The following SLC28A1 variants were observed in gnomAD, a reference collection of about 807,000 sequenced individuals.
The protein encoded by SLC28A1 is solute carrier family 28 member 1.
In SLC28A1, 64 loss-of-function variants were observed where a neutral mutation model predicts 74.8. That is an observed-to-expected ratio of 0.86 (90% CI 0.70 to 1.05). SLC28A1 has a LOEUF of 1.05. SLC28A1 is among the 50% of genes least tolerant of loss of function. SLC28A1 has a pLI of 0.00. For missense variants in SLC28A1, 828 were observed against 822.8 expected (o/e 1.01, Z -0.08); for synonymous variants, 359 against 335.0 (o/e 1.07, Z -0.78).
At chr15:84,954,777 A>G in the SLC28A1 span, among the ~76,000 whole-genome samples, 1 of 152,186 alleles carries the variant, frequency 6.6e-6, no homozygotes, top group African/African-American at 2.4e-5. Flanking sequence ...ATTTTAATTA[A>G]TAATACTGAG....
rs1970185642 is a variant in SLC28A1, at chr15:84,924,039, G to T, written c.1012G>T (p.Val338Phe). The change falls in exon 12 of 19, where the codon GTC becomes TTC. Residue 338 changes from valine to phenylalanine, a missense_variant. This residue lies in a region of SLC28A1 where 767 missense variants were observed against 753.5 expected (regional missense o/e 1.02). Coordinates refer to ENST00000394573, the MANE Select transcript of SLC28A1 (RefSeq NM_004213.5). ...PYLADMTLSEVHVVMTGGYAT... is the reference protein window; with the variant it reads ...PYLADMTLSEFHVVMTGGYAT... ...CTTGGCAGACATGACACTCTCTGAA[G>T]TCCACGTTGTCATGACCGGAGGTTA... The T allele has an allele frequency of 2.5e-6, 4 of 1,613,886 alleles. No homozygotes were observed. The highest frequency in any genetic ancestry group is 3.4e-6 in the Non-Finnish European group (4 of 1,180,016).
chr15:84,936,056 G>A (rs1254469634), intron 15 of SLC28A1, among the ~76,000 whole-genome samples: 1 of 141,748 alleles, frequency 7.1e-6, no homozygotes, highest in East Asian at 2.1e-4. Flanking sequence ...CCGGGTTCAC[G>A]CCATTCTCCT....
At chr15:84,967,137 C>G in the SLC28A1 span, among the ~76,000 whole-genome samples, 3 of 152,184 alleles carry the variant, frequency 2.0e-5, no homozygotes, top group Non-Finnish European at 4.4e-5. Context: ...GCAGCTGCAG[C>G]AAATCCTAAC....
At chr15:84,901,729 A>G (rs1414102788) in intron 6 of SLC28A1, among the ~76,000 whole-genome samples, 1 of 152,198 alleles carries the variant, frequency 6.6e-6, no homozygotes, top group East Asian at 1.9e-4. Context: ...GTTGGCAAGG[A>G]TATAGAGGAA....
At chr15:84,921,146 C>A in intron 11 of SLC28A1, 77 bp downstream of exon 11, 2 of 1,109,594 alleles carry the variant, frequency 1.8e-6, no homozygotes, top group African/African-American at 1.5e-5. Context: ...ATCCCCAGAG[C>A]TCTGATTCAG....
chr15:84,925,247 G>C (rs1970373520), intron 12 of SLC28A1, among the ~76,000 whole-genome samples: 1 of 151,864 alleles, frequency 6.6e-6, no homozygotes, highest in African/African-American at 2.4e-5. Context: ...GCGTAGAACA[G>C]CTATTCTGAA....
chr15:84,964,431 C>T, the SLC28A1 span, among the ~76,000 whole-genome samples: 1 of 152,208 alleles, frequency 6.6e-6, no homozygotes, highest in Non-Finnish European at 1.5e-5. Flanking sequence ...TCACCTATTC[C>T]TTCCTCTCAC....
chr15:84,908,030 A>T (rs4843004), intron 8 of SLC28A1, among the ~76,000 whole-genome samples: 30,683 of 152,120 alleles, frequency 0.2, 3,720 homozygotes, highest in South Asian at 0.45. Flanking sequence ...CAAGGCCACA[A>T]GCCCGGGATG....
chr15:84,938,016 A>T (rs1296127948), intron 15 of SLC28A1, among the ~76,000 whole-genome samples: 1 of 152,188 alleles, frequency 6.6e-6, no homozygotes, highest in Non-Finnish European at 1.5e-5. Flanking sequence ...CCTGACCAAC[A>T]TGGAGAAACC....
At chr15:84,974,782 G>A in the SLC28A1 span, among the ~76,000 whole-genome samples, 2 of 151,898 alleles carry the variant, frequency 1.3e-5, no homozygotes, top group Non-Finnish European at 2.9e-5. Context: ...TGGAATGCTC[G>A]GTGTGTTGGG....
At chr15:84,920,856 G>A in intron 10 of SLC28A1, 133 bp from the exon 11 acceptor site, 2 of 759,798 alleles carry the variant, frequency 2.6e-6, no homozygotes, top group East Asian at 2.5e-5. Flanking sequence ...GACCTTTTGG[G>A]AAAATGTAGA....
intron 10 of SLC28A1, 43 bp downstream of exon 10, chr15:84,918,647 C>A: frequency 1.4e-6 from 2 of 1,446,216 alleles, no homozygotes; most frequent in Non-Finnish European, 1.9e-6. Context: ...CCAGAGTCAC[C>A]AGCTCACAGG....
At chr15:84,892,913 G>T (rs1965519715) in intron 5 of SLC28A1, among the ~76,000 whole-genome samples, 1 of 152,188 alleles carries the variant, frequency 6.6e-6, no homozygotes, top group East Asian at 1.9e-4. Flanking sequence ...GGTCTTCAAG[G>T]AGCTTAGCTC....
At chr15:84,893,200 C>T (rs965485690) in intron 5 of SLC28A1, among the ~76,000 whole-genome samples, 2 of 152,218 alleles carry the variant, frequency 1.3e-5, no homozygotes, top group African/African-American at 4.8e-5. Flanking sequence ...AGGCCTCCCT[C>T]TCCAAGTGGG....
At chr15:84,926,286 A>G (rs940244240) in intron 12 of SLC28A1, among the ~76,000 whole-genome samples, 2 of 151,382 alleles carry the variant, frequency 1.3e-5, no homozygotes, top group African/African-American at 4.9e-5. Flanking sequence ...ATAGCCTCAA[A>G]CTCCTGGACT....
intron 12 of SLC28A1, among the ~76,000 whole-genome samples, chr15:84,924,897 A>AT (rs756910084): frequency 0.084 from 11,658 of 139,192 alleles, 722 homozygotes; most frequent in African/African-American, 0.11. Flanking sequence ...TTTTTTATTA[A>AT]TTTTTTTTGT....
At chr15:84,912,072 G>T (rs147924493) in intron 9 of SLC28A1, among the ~76,000 whole-genome samples, 34 of 152,264 alleles carry the variant, frequency 2.2e-4, no homozygotes, top group African/African-American at 7.7e-4. Flanking sequence ...TGTATTGGCT[G>T]ATGCACCATC....
intron 11 of SLC28A1, among the ~76,000 whole-genome samples, chr15:84,922,626 T>A (rs542521477): frequency 6.6e-6 from 1 of 152,184 alleles, no homozygotes; most frequent in Non-Finnish European, 1.5e-5. Context: ...CGAGTGACCC[T>A]TCAAACACAC....
intron 8 of SLC28A1, among the ~76,000 whole-genome samples, 160 bp downstream of exon 8, chr15:84,905,812 A>G (rs11073794): frequency 0.59 from 89,100 of 151,628 alleles, 26,310 homozygotes; most frequent in South Asian, 0.69. Context: ...GCAGCTGGGG[A>G]CCAGGCAGTG....
Sources: gnomAD v4.1 joint callset for allele counts (sites outside exome capture counted in the v4.1 genomes callset) on GRCh38, gnomAD v4.1.1 for gene constraint, gnomAD v4.1.1 regional missense constraint, MANE v1.5 for transcripts, NCBI Gene and HGNC (gene_info 2026-07-23, HGNC 2026-07-21) for gene names.